The following CFAP299 variants were observed in gnomAD, a reference collection of about 807,000 sequenced individuals.
The protein encoded by CFAP299 is cilia and flagella associated protein 299.
In CFAP299, 21 loss-of-function variants were observed where a neutral mutation model predicts 27.0. That is an observed-to-expected ratio of 0.78 (90% confidence interval 0.55 to 1.12). The LOEUF is 1.12. Among genes scored for constraint, CFAP299 ranks in the 50% most tolerant of loss-of-function variants. CFAP299 has a pLI of 0.00. For missense variants in CFAP299, 310 were observed against 276.6 expected (o/e 1.12, Z -0.86); for synonymous variants, 104 against 98.1 (o/e 1.06, Z -0.36).
rs191742492 is a variant in CFAP299, at chr4:80,468,871, G to A, written c.242+105987G>A. Among the ~76,000 whole-genome samples the A allele has an allele frequency of 3.4e-5, 5 of 148,280 alleles. 1 individual carries two copies. The East Asian group carries it at 9.9e-4, about 29-fold the overall frequency. ...AAAAAAAAAGGCAGTAAGAACCAAA[G>A]TGAGAATTAGTTATTAGTTTTAGAA... On this transcript the variant is annotated intron_variant, in intron 2 of 5. Coordinates refer to ENST00000358105, the MANE Select transcript of CFAP299 (RefSeq NM_152770.3).
chr4:80,452,481 A>G (rs910986287), intron 2 of CFAP299, among the ~76,000 whole-genome samples: 7 of 152,188 alleles, frequency 4.6e-5, no homozygotes, highest in African/African-American at 1.7e-4. Flanking sequence ...GGCCATGGGT[A>G]TCCTGTATAG....
At chr4:80,510,145 T>A (rs1258242612) in intron 2 of CFAP299, among the ~76,000 whole-genome samples, 2 of 152,172 alleles carry the variant, frequency 1.3e-5, no homozygotes, top group Non-Finnish European at 2.9e-5. Flanking sequence ...TTGCCTCATA[T>A]AGGATTTGTT....
intron 4 of CFAP299, among the ~76,000 whole-genome samples, chr4:80,942,229 T>A (rs1737233637): frequency 6.6e-6 from 1 of 152,186 alleles, no homozygotes. Context: ...CAGTCATATA[T>A]GCTACAGAGC....
At chr4:80,406,514 G>A (rs2110055946) in intron 2 of CFAP299, among the ~76,000 whole-genome samples, 1 of 152,202 alleles carries the variant, frequency 6.6e-6, no homozygotes, top group East Asian at 1.9e-4. Flanking sequence ...ATAGGCTCAT[G>A]CCACCACACC....
At chr4:80,444,893 A>G (rs911680954) in intron 2 of CFAP299, among the ~76,000 whole-genome samples, 33 of 152,248 alleles carry the variant, frequency 2.2e-4, no homozygotes, top group African/African-American at 6.8e-4. Flanking sequence ...TCAAAAGAAG[A>G]CATTTTTGCT....
At chr4:80,798,943 T>G (rs1043846173) in intron 3 of CFAP299, among the ~76,000 whole-genome samples, 4 of 151,070 alleles carry the variant, frequency 2.6e-5, no homozygotes, top group African/African-American at 9.7e-5. Flanking sequence ...CTTAGCATTT[T>G]TGGGTCTAAT....
the CFAP299 span, among the ~76,000 whole-genome samples, chr4:80,329,399 GTTA>G: frequency 6.6e-6 from 1 of 151,960 alleles, no homozygotes; most frequent in African/African-American, 2.4e-5. Flanking sequence ...AGAATCAGGT[GTTA>G]TTTTTTGGTT....
At chr4:80,687,881 A>G (rs1720321100) in intron 3 of CFAP299, among the ~76,000 whole-genome samples, 1 of 152,210 alleles carries the variant, frequency 6.6e-6, no homozygotes, top group Admixed American at 6.5e-5. Flanking sequence ...CTGGGGAAGC[A>G]CAGGGGGGTC....
chr4:80,637,702 A>T (rs1739518691), intron 3 of CFAP299, among the ~76,000 whole-genome samples: 1 of 152,220 alleles, frequency 6.6e-6, no homozygotes, highest in Non-Finnish European at 1.5e-5. Context: ...ATAGAAAAGG[A>T]CCTAACAGAA....
intron 3 of CFAP299, among the ~76,000 whole-genome samples, chr4:80,823,124 C>T (rs539542062): frequency 6.6e-6 from 1 of 152,108 alleles, no homozygotes; most frequent in Non-Finnish European, 1.5e-5. Context: ...TACTTAGCAC[C>T]TCCTATCTTG....
chr4:80,667,248 ATAATT>A (rs1488731808), intron 3 of CFAP299, among the ~76,000 whole-genome samples: 1 of 152,082 alleles, frequency 6.6e-6, no homozygotes, highest in African/African-American at 2.4e-5. Flanking sequence ...GGTATTTGTG[ATAATT>A]TAATATAGTC....
rs776292036 is a variant in CFAP299 at position 80,606,872 on chromosome 4, C to A, written c.333+23689C>A. ...TAAAAAAACTAAGATTTTTATTTTTCTTTTGTGAGTGATTTCCTGTAAGAT... is the reference window on the plus strand; with the variant it reads ...TAAAAAAACTAAGATTTTTATTTTTATTTTGTGAGTGATTTCCTGTAAGAT... On this transcript the variant is annotated intron_variant, in intron 3 of 5. Coordinates refer to ENST00000358105, the MANE Select transcript of CFAP299 (RefSeq NM_152770.3). Among the ~76,000 whole-genome samples, 101 of 151,682 alleles carry A rather than the reference C, an allele frequency of 6.7e-4. 1 individual carries two copies. Among genetic ancestry groups the A allele is most frequent in the Non-Finnish European group, 1.8e-4 (12 of 67,896 alleles).
chr4:80,693,079 C>G (rs1295674059), intron 3 of CFAP299, among the ~76,000 whole-genome samples: 1 of 152,246 alleles, frequency 6.6e-6, no homozygotes, highest in Non-Finnish European at 1.5e-5. Flanking sequence ...AAAATAGGAA[C>G]ACTTTTACAC....
chr4:80,636,779 G>A (rs1330234165), intron 3 of CFAP299, among the ~76,000 whole-genome samples: 3 of 152,040 alleles, frequency 2.0e-5, no homozygotes, highest in African/African-American at 7.2e-5. Flanking sequence ...TATTTTCTAT[G>A]GCTGCTTTTG....
intron 3 of CFAP299, among the ~76,000 whole-genome samples, chr4:80,609,402 A>G (rs2109914757): frequency 6.6e-6 from 1 of 152,208 alleles, no homozygotes; most frequent in Middle Eastern, 3.4e-3. Context: ...CAGTGAGAGA[A>G]GGAAGCTATT....
chr4:80,681,973 T>A (rs758609642), intron 3 of CFAP299, among the ~76,000 whole-genome samples: 1 of 151,878 alleles, frequency 6.6e-6, no homozygotes, highest in Non-Finnish European at 1.5e-5. Flanking sequence ...ACCTCAGGAG[T>A]TGGTAGAGAA....
intron 2 of CFAP299, among the ~76,000 whole-genome samples, chr4:80,498,617 A>G (rs1283096095): frequency 6.6e-6 from 1 of 152,174 alleles, no homozygotes; most frequent in Non-Finnish European, 1.5e-5. Flanking sequence ...GGTTGTGGAG[A>G]ACAGGGAACA....
intron 3 of CFAP299, among the ~76,000 whole-genome samples, chr4:80,855,284 T>C (rs916595978): frequency 6.6e-6 from 1 of 152,176 alleles, no homozygotes; most frequent in Non-Finnish European, 1.5e-5. Flanking sequence ...TATTCATCAC[T>C]GTACCAATGA....
At chr4:80,340,929 C>G (rs1420911842) in intron 1 of CFAP299, among the ~76,000 whole-genome samples, 1 of 152,096 alleles carries the variant, frequency 6.6e-6, no homozygotes, top group Non-Finnish European at 1.5e-5. Flanking sequence ...GTATGCACCA[C>G]CACACCCAGC....
Sources: allele counts gnomAD v4.1 joint callset (sites outside exome capture counted in the v4.1 genomes callset), GRCh38; gene constraint gnomAD v4.1.1; transcripts MANE v1.5; gene names NCBI Gene and HGNC (gene_info 2026-07-23, HGNC 2026-07-21).